The following ARID2 variants were observed in gnomAD, a reference collection of about 807,000 sequenced individuals.
The protein encoded by ARID2 is AT-rich interaction domain 2, also known as AT-rich interactive domain-containing protein 2.
Under a neutral mutation model 184.6 loss-of-function variants are expected in ARID2, and 32 were observed. The ratio of observed to expected loss-of-function variants is 0.17; its 90% CI spans 0.13 to 0.23. ARID2 has a LOEUF of 0.23. Ranked by LOEUF, ARID2 falls within the 10% of genes least tolerant of loss-of-function variation. ARID2 has a pLI of 1.00. For missense variants in ARID2, 1,696 were observed against 2,197.6 expected (o/e 0.77, Z 4.56); for synonymous variants, 836 against 772.6 (o/e 1.08, Z -1.36).
At chr12:45,853,360 C>A (rs1313649507) in intron 15 of ARID2, among the ~76,000 whole-genome samples, 1 of 152,016 alleles carries the variant, frequency 6.6e-6, no homozygotes, top group Non-Finnish European at 1.5e-5. Flanking sequence ...CAGTCGTATT[C>A]TTTTTGTATT....
chr12:45,814,230 A>G (rs1163793779), intron 4 of ARID2, among the ~76,000 whole-genome samples: 2 of 152,242 alleles, frequency 1.3e-5, no homozygotes, highest in African/African-American at 4.8e-5. Flanking sequence ...TAGAATTTCT[A>G]CAGTGTACAT....
rs542894893 is a variant in ARID2, at chr12:45,830,186, A to G, written c.706-6403A>G. ...CTAATTTTACTTATTCCATGGTGGA[A>G]TATTCCCTTCTGTTTTATAATATTG... On this transcript the variant is annotated intron_variant, in intron 6 of 20. Transcript: ENST00000334344. Among the ~76,000 whole-genome samples the G allele has an allele frequency of 2.0e-5, 3 of 152,044 alleles. No homozygotes were observed. In the South Asian group the frequency reaches 6.2e-4, roughly 31 times the overall value.
chr12:45,849,779 GTTAA>G lies in ARID2; in HGVS notation c.1912+6_1912+9del, dbSNP rs750563463. 6.2e-7 allele frequency: 1 copy of G among 1,605,162 alleles called. No individual in the cohort carries two copies. Among genetic ancestry groups the G allele is most frequent in the Non-Finnish European group, 8.5e-7 (1 of 1,176,076 alleles). On this transcript the variant is annotated splice_donor_5th_base_variant and intron_variant, in intron 14 of 20. Transcript: ENST00000334344. ...ATCTCCTGCTCCTTCACCTGCAGGT[GTTAA>G]TTTTTATTGTATTTTTAAAGTATTA... is the stretch of plus-strand genomic sequence containing the variant.
intron 3 of ARID2, among the ~76,000 whole-genome samples, chr12:45,765,395 G>A (rs990417792): frequency 1.3e-5 from 2 of 152,012 alleles, no homozygotes; most frequent in African/African-American, 2.4e-5. Context: ...ACTATTTGTA[G>A]AGATGGTGTC....
intron 20 of ARID2, among the ~76,000 whole-genome samples, chr12:45,901,840 T>C (rs960102566): frequency 1.3e-5 from 2 of 152,058 alleles, no homozygotes; most frequent in Non-Finnish European, 2.9e-5. Context: ...CATTTTTTAA[T>C]TTTCTGTAAG....
chr12:45,738,652 A>G (rs1227520193), intron 3 of ARID2, among the ~76,000 whole-genome samples: 1 of 152,044 alleles, frequency 6.6e-6, no homozygotes, highest in African/African-American at 2.4e-5. Flanking sequence ...TTGAGAAGTA[A>G]TTGTGTTATT....
chr12:45,803,409 C>T (rs989482582), intron 3 of ARID2, among the ~76,000 whole-genome samples: 4 of 152,184 alleles, frequency 2.6e-5, no homozygotes, highest in Admixed American at 2.0e-4. Context: ...TTCAGTGATA[C>T]AGAAGTTAGC....
intron 16 of ARID2, chr12:45,880,945 G>T: frequency 5.0e-6 from 1 of 200,042 alleles, no homozygotes; most frequent in Non-Finnish European, 1.1e-5. Context: ...TTTAATCTTC[G>T]AACTTGACTT....
At chr12:45,799,871 A>G (rs1216053764) in intron 3 of ARID2, among the ~76,000 whole-genome samples, 3 of 152,176 alleles carry the variant, frequency 2.0e-5, no homozygotes, top group Non-Finnish European at 4.4e-5. Flanking sequence ...TCCCCTTCAG[A>G]CAAGGTCTCA....
At chr12:45,839,750 A>C in intron 11 of ARID2, 1 of 340,550 alleles carries the variant, frequency 2.9e-6, no homozygotes, top group South Asian at 9.4e-5. Flanking sequence ...GATGAATTAG[A>C]TATTCATAAT....
chr12:45,882,503 A>ACTTCTAC (rs1374085823), intron 16 of ARID2, among the ~76,000 whole-genome samples: 1 of 152,238 alleles, frequency 6.6e-6, no homozygotes, highest in Non-Finnish European at 1.5e-5. Context: ...TTACATGATT[A>ACTTCTAC]CTTCTACTTC....
At chr12:45,810,048 G>A (rs917444681) in intron 3 of ARID2, among the ~76,000 whole-genome samples, 1 of 152,150 alleles carries the variant, frequency 6.6e-6, no homozygotes, top group South Asian at 2.1e-4. Context: ...AATGGACTAA[G>A]CACCTGCCTA....
At chr12:45,856,141 G>A (rs1182975085) in intron 15 of ARID2, among the ~76,000 whole-genome samples, 4 of 123,354 alleles carry the variant, frequency 3.2e-5, no homozygotes, top group Non-Finnish European at 6.4e-5. Flanking sequence ...GTGGCATGAT[G>A]TCAGCTCACT....
In ARID2 at chr12:45,822,612, AT is replaced by A. The variant is rs567367007; in HGVS notation, c.705+1131del. The stretch of plus-strand genomic sequence containing the variant: ...GCATGGTGTTTTAGGGAACTACTTT[AT>A]TTTTTATTTTCATTTATTTAATGGT... On this transcript the variant is annotated intron_variant, in intron 6 of 20. Transcript: ENST00000334344. Among the ~76,000 whole-genome samples, 6 of 152,216 alleles carry A rather than the reference AT, an allele frequency of 3.9e-5. No homozygotes were observed. In the East Asian group the frequency reaches 9.6e-4, roughly 24 times the overall value.
At chr12:45,818,082 G>A (rs951958618) in intron 5 of ARID2, among the ~76,000 whole-genome samples, 194 bp downstream of exon 5, 1 of 152,030 alleles carries the variant, frequency 6.6e-6, no homozygotes, top group African/African-American at 2.4e-5. Context: ...TTTTGTCTCA[G>A]TGTTTTTGAA....
At chr12:45,743,524 C>T (rs1268182820) in intron 3 of ARID2, among the ~76,000 whole-genome samples, 1 of 152,236 alleles carries the variant, frequency 6.6e-6, no homozygotes, top group Non-Finnish European at 1.5e-5. Context: ...ACATGCACCA[C>T]TGTGCCTAGA....
intron 6 of ARID2, among the ~76,000 whole-genome samples, chr12:45,823,776 G>C (rs1427175474): frequency 6.6e-6 from 1 of 152,064 alleles, no homozygotes; most frequent in African/African-American, 2.4e-5. Context: ...AGAGTAACAA[G>C]ATTGAATCAG....
chr12:45,836,725 G>A lies in ARID2; in HGVS notation c.773-16G>A, dbSNP rs534652003. On this transcript the variant is annotated splice_polypyrimidine_tract_variant and intron_variant, in intron 7 of 20. Transcript: ENST00000334344. ...ATAAATGAAATATTAAGTGAAATAT[G>A]TATTTTCTATTGTAGAAGGTACATC... is the stretch of plus-strand genomic sequence containing the variant. 4 of 1,602,116 alleles carry A rather than the reference G, an allele frequency of 2.5e-6. No individual in the cohort carries two copies. Among genetic ancestry groups the A allele is most frequent in the Admixed American group, 1.7e-5 (1 of 57,986 alleles).
At chr12:45,829,771 T>G (rs1943074245) in intron 6 of ARID2, among the ~76,000 whole-genome samples, 1 of 149,636 alleles carries the variant, frequency 6.7e-6, no homozygotes, top group Non-Finnish European at 1.5e-5. Flanking sequence ...TATTGTTTTC[T>G]GCCTTTTCTT....
Sources: gnomAD v4.1 joint callset for allele counts (sites outside exome capture counted in the v4.1 genomes callset) on GRCh38, gnomAD v4.1.1 for gene constraint, MANE v1.5 for transcripts, NCBI Gene and HGNC (gene_info 2026-07-23, HGNC 2026-07-21) for gene names.